The following SMCO2 variants were observed in gnomAD, a reference collection of about 807,000 sequenced individuals.
The protein encoded by SMCO2 is single-pass membrane and coiled-coil domain-containing protein 2.
A neutral mutation model predicts 29.5 loss-of-function variants in SMCO2; 25 were observed. The ratio of observed to expected loss-of-function variants is 0.85; its 90% CI spans 0.62 to 1.18. The LOEUF (loss-of-function observed/expected upper bound fraction) is 1.18, where lower values mean the gene tolerates loss of function less well. Ranked by LOEUF, SMCO2 falls within the 50% of genes most tolerant of loss-of-function variation. The pLI is 0.00. For missense variants in SMCO2, 348 were observed against 344.5 expected (o/e 1.01, Z -0.08); for synonymous variants, 117 against 123.3 (o/e 0.95, Z 0.34).
chr12:27,494,311 T>C (rs1049070105), exon 6 of SMCO2: 3 of 1,518,720 alleles, frequency 2.0e-6, no homozygotes, highest in Admixed American at 2.2e-5. Context: ...TGAATACTTG[T>C]AATGAAGTTT....
chr12:27,500,991 GTTC>G (rs935652739), intron 7 of SMCO2, among the ~76,000 whole-genome samples: 2 of 150,560 alleles, frequency 1.3e-5, no homozygotes, highest in African/African-American at 2.5e-5. Context: ...TCTTCTTTGT[GTTC>G]TTCTGGATTT....
the SMCO2 span, among the ~76,000 whole-genome samples, chr12:27,442,515 C>T: frequency 6.6e-6 from 1 of 152,122 alleles, no homozygotes; most frequent in Non-Finnish European, 1.5e-5. Context: ...AATAGAAAAC[C>T]TCAACAAACC....
chr12:27,459,930 T>C, the SMCO2 span, among the ~76,000 whole-genome samples: 1 of 152,194 alleles, frequency 6.6e-6, no homozygotes, highest in Non-Finnish European at 1.5e-5. Context: ...CAGGCACGCA[T>C]TGGGCTAAAA....
chr12:27,498,134 C>T, intron 7 of SMCO2: 1 of 359,494 alleles, frequency 2.8e-6, no homozygotes, highest in Admixed American at 3.0e-5. Context: ...ATAAACTGAA[C>T]TTTCCCATAA....
the SMCO2 span, among the ~76,000 whole-genome samples, chr12:27,457,787 C>T: frequency 6.6e-6 from 1 of 152,320 alleles, no homozygotes; most frequent in African/African-American, 2.4e-5. Context: ...CTACATAAGA[C>T]ATAATAATTT....
the SMCO2 span, among the ~76,000 whole-genome samples, chr12:27,450,370 A>C: frequency 2.7e-5 from 4 of 148,234 alleles, no homozygotes; most frequent in Admixed American, 2.7e-4. Context: ...GTTTCTTCTG[A>C]TGCCCAGTTT....
chr12:27,464,985 T>C (rs1244417547), upstream of SMCO2, among the ~76,000 whole-genome samples: 1 of 126,150 alleles, frequency 7.9e-6, no homozygotes, highest in Non-Finnish European at 1.5e-5. Flanking sequence ...GCCGAGATCG[T>C]ACCACTGCAC....
chr12:27,482,909 T>C (rs142852205), intron 4 of SMCO2, among the ~76,000 whole-genome samples: 112 of 152,290 alleles, frequency 7.4e-4, no homozygotes, highest in Non-Finnish European at 1.3e-3. Flanking sequence ...GTATTTTTTG[T>C]AGAGACAAAG....
chr12:27,485,670 C>T (rs1371718744), intron 4 of SMCO2, among the ~76,000 whole-genome samples: 1 of 152,114 alleles, frequency 6.6e-6, no homozygotes, highest in Admixed American at 6.5e-5. Flanking sequence ...TGGTCTCGAA[C>T]TCCTGACCTC....
chr12:27,428,140 G>A, the SMCO2 span, among the ~76,000 whole-genome samples: 1 of 151,910 alleles, frequency 6.6e-6, no homozygotes, highest in Non-Finnish European at 1.5e-5. Context: ...GAGCAATTGG[G>A]GAGGTTGGGA....
chr12:27,445,020 T>C, the SMCO2 span, among the ~76,000 whole-genome samples: 2 of 152,070 alleles, frequency 1.3e-5, no homozygotes, highest in African/African-American at 4.8e-5. Flanking sequence ...AAAAAAAGAA[T>C]GAAATCCTGC....
At chr12:27,453,251 T>C in the SMCO2 span, among the ~76,000 whole-genome samples, 1 of 152,192 alleles carries the variant, frequency 6.6e-6, no homozygotes, top group Non-Finnish European at 1.5e-5. Context: ...AGAGTCTTCC[T>C]TGTGGCTTGG....
intron 3 of SMCO2, among the ~76,000 whole-genome samples, chr12:27,473,549 T>C (rs1949559263): frequency 6.6e-6 from 1 of 152,226 alleles, no homozygotes; most frequent in Non-Finnish European, 1.5e-5. Context: ...TATTAGGACA[T>C]AGGCATTCCT....
rs181556577 is a variant in SMCO2 at position 27,468,471 on chromosome 12, G to A, written c.-11+1496G>A. On this transcript the variant is annotated intron_variant, in intron 1 of 7. Coordinates refer to ENST00000298876, the Ensembl canonical transcript of SMCO2. ...ACAGGTGGCAGGCTGGATTTGGCCTGCTGGCCATAGTTTGATGACCGTTGC... is the reference window on the plus strand; with the variant it reads ...ACAGGTGGCAGGCTGGATTTGGCCTACTGGCCATAGTTTGATGACCGTTGC... Among the ~76,000 whole-genome samples, 81 of 152,368 alleles carry A rather than the reference G, an allele frequency of 5.3e-4. 2 individuals carry two copies. The East Asian group carries it at 0.013, about 24-fold the overall frequency.
At chr12:27,444,626 A>G in the SMCO2 span, among the ~76,000 whole-genome samples, 2 of 152,224 alleles carry the variant, frequency 1.3e-5, no homozygotes, top group Non-Finnish European at 2.9e-5. Flanking sequence ...AATAAAAAAC[A>G]CAATGTGATC....
the SMCO2 span, among the ~76,000 whole-genome samples, chr12:27,429,985 TTCG>T: frequency 1.3e-5 from 2 of 152,214 alleles, no homozygotes; most frequent in African/African-American, 4.8e-5. Flanking sequence ...GTCCTGTGGT[TTCG>T]TAGTTTATAC....
intron 4 of SMCO2, 90 bp downstream of exon 5, chr12:27,475,821 G>T: frequency 8.1e-7 from 1 of 1,231,540 alleles, no homozygotes; most frequent in Non-Finnish European, 1.1e-6. Flanking sequence ...AGATGATAAA[G>T]TCTTTAGGCC....
the SMCO2 span, among the ~76,000 whole-genome samples, chr12:27,460,999 C>T: frequency 6.6e-6 from 1 of 152,190 alleles, no homozygotes; most frequent in African/African-American, 2.4e-5. Flanking sequence ...TGCCAGTGTG[C>T]TTGCCTGCCT....
At chr12:27,448,143 T>C in the SMCO2 span, among the ~76,000 whole-genome samples, 1 of 152,168 alleles carries the variant, frequency 6.6e-6, no homozygotes, top group Non-Finnish European at 1.5e-5. Context: ...GTTAGAAAAT[T>C]TTGGACTTAA....
Sources: gnomAD v4.1 joint callset for allele counts (sites outside exome capture counted in the v4.1 genomes callset) on GRCh38, gnomAD v4.1.1 for gene constraint, MANE v1.5 for transcripts, NCBI Gene and HGNC (gene_info 2026-07-23, HGNC 2026-07-21) for gene names.